The following PTPRZ1 variants were observed in gnomAD, a reference collection of about 807,000 sequenced individuals.
PTPRZ1 encodes receptor-type tyrosine-protein phosphatase zeta.
A neutral mutation model predicts 214.1 loss-of-function variants in PTPRZ1; 82 were observed. That is an observed-to-expected ratio of 0.38 (90% CI 0.32 to 0.46). PTPRZ1 has a LOEUF of 0.46. PTPRZ1 is among the 20% of genes least tolerant of loss of function. The probability of loss-of-function intolerance (pLI) is 1.00; values close to 1 mark genes in which losing one functional copy is unlikely to be tolerated. For synonymous variants in PTPRZ1, 945 were observed against 987.9 expected (o/e 0.96, Z 0.81); for missense variants, 2,603 against 2,748.7 (o/e 0.95, Z 1.19).
chr7:122,040,738 G>A (rs1799701003), intron 20 of PTPRZ1, 78 bp from the exon 21 acceptor site: 2 of 196,340 alleles, frequency 1.0e-5, no homozygotes, highest in Non-Finnish European at 7.8e-6. Context: ...CCGTGTGTGT[G>A]TGTGTGTGTG....
chr7:121,941,044 T>C (rs1249901653), intron 2 of PTPRZ1, among the ~76,000 whole-genome samples: 11 of 152,158 alleles, frequency 7.2e-5, no homozygotes, highest in Non-Finnish European at 1.2e-4. Flanking sequence ...ATCCCTTGCT[T>C]TCATACACTG....
chr7:121,892,086 G>A (rs1794645911), intron 1 of PTPRZ1, among the ~76,000 whole-genome samples: 2 of 152,058 alleles, frequency 1.3e-5, no homozygotes, highest in Non-Finnish European at 2.9e-5. Context: ...TATTTTTTAT[G>A]TCTTAGCGCT....
chr7:121,896,878 A>C (rs1336002185), intron 1 of PTPRZ1, among the ~76,000 whole-genome samples: 1 of 151,912 alleles, frequency 6.6e-6, no homozygotes, highest in Non-Finnish European at 1.5e-5. Context: ...GATGTTTTTG[A>C]GGGCTTGGGG....
In PTPRZ1 at chr7:122,019,115, TGACTACAGA is replaced by T; in HGVS notation, c.4844-7_4845del. 6.3e-7 allele frequency: 1 copy of T among 1,589,586 alleles called. No homozygotes were observed. On this transcript the variant is annotated splice_acceptor_variant and splice_polypyrimidine_tract_variant and coding_sequence_variant and intron_variant, in exon 13 of 30. Transcript: ENST00000393386. LOFTEE classifies it high-confidence loss of function. ...AAATATCAATTCTCTCAATTTTCTCTGACTACAGAGGCCAGTAATAGTAGCCATGAGTCT... is the reference window on the plus strand; with the variant it reads ...AAATATCAATTCTCTCAATTTTCTCTGGCCAGTAATAGTAGCCATGAGTCT...
chr7:121,960,738 C>T (rs1282288422), intron 2 of PTPRZ1, among the ~76,000 whole-genome samples: 1 of 151,922 alleles, frequency 6.6e-6, no homozygotes, highest in East Asian at 1.9e-4. Context: ...ATTCAAAAAC[C>T]TGCATTGGTA....
Position 122,011,754 on chromosome 7 carries a change from T to G in PTPRZ1, c.2708T>G (p.Leu903Arg). The G allele has an allele frequency of 6.2e-7, 1 of 1,614,134 alleles. No individual in the cohort carries two copies. The highest frequency in any genetic ancestry group is 8.5e-7 in the Non-Finnish European group (1 of 1,179,982). ...GSESGVLYKTLMFSQVEPPSS... is the reference protein window; with the variant it reads ...GSESGVLYKTRMFSQVEPPSS... ...GAATCTGGTGTTCTTTATAAAACGC[T>G]TATGTTTTCTCAAGTTGAACCACCC... Residue 903 changes from leucine (L) to arginine (R), a missense_variant, in exon 12 of 30, where the codon CTT becomes CGT. Leu to Arg is a moderately radical substitution (Grantham distance 102). Coordinates refer to ENST00000393386, the MANE Select transcript of PTPRZ1 (RefSeq NM_002851.3).
chr7:121,939,761 A>C (rs1353561342), intron 2 of PTPRZ1, among the ~76,000 whole-genome samples: 2 of 152,226 alleles, frequency 1.3e-5, no homozygotes, highest in African/African-American at 4.8e-5. Flanking sequence ...TCAGAGATGC[A>C]GTGATGAGTG....
At chr7:121,910,337 G>A (rs1795234169) in intron 1 of PTPRZ1, among the ~76,000 whole-genome samples, 1 of 152,072 alleles carries the variant, frequency 6.6e-6, no homozygotes, top group South Asian at 2.1e-4. Flanking sequence ...TCTCCATAGT[G>A]TTTATCACCT....
At chr7:121,979,908 T>A (rs530463488) in intron 6 of PTPRZ1, among the ~76,000 whole-genome samples, 1 of 152,264 alleles carries the variant, frequency 6.6e-6, no homozygotes, top group African/African-American at 2.4e-5. Flanking sequence ...AAAGCACTTC[T>A]GTAATTTAAA....
intron 13 of PTPRZ1, 89 bp downstream of exon 13, chr7:122,019,357 A>G: frequency 2.3e-6 from 3 of 1,328,430 alleles, no homozygotes; most frequent in Non-Finnish European, 3.2e-6. Context: ...AGCATATTCA[A>G]AATGTATTTT....
At chr7:121,983,521 C>A (rs1797677042) in intron 6 of PTPRZ1, 144 bp from the exon 7 acceptor site, 1 of 799,904 alleles carries the variant, frequency 1.3e-6, no homozygotes, top group Non-Finnish European at 1.9e-6. Flanking sequence ...GCTTTATTAC[C>A]ATTTAAAAAT....
chr7:121,889,827 G>A (rs1309528021), intron 1 of PTPRZ1, among the ~76,000 whole-genome samples: 1 of 151,990 alleles, frequency 6.6e-6, no homozygotes. Context: ...AGTGTTCTTG[G>A]TCCTCACTTT....
chr7:121,989,292 G>A (rs539433863), intron 8 of PTPRZ1, among the ~76,000 whole-genome samples: 1 of 151,810 alleles, frequency 6.6e-6, no homozygotes, highest in South Asian at 2.1e-4. Flanking sequence ...ACTAGGACTT[G>A]CTGTTTCCAT....
intron 27 of PTPRZ1, among the ~76,000 whole-genome samples, chr7:122,057,452 T>G (rs1347618862): frequency 6.6e-6 from 1 of 151,788 alleles, no homozygotes. Flanking sequence ...TTTATATAAA[T>G]TAATTGACCA....
chr7:122,055,623 T>A (rs1407654177), intron 27 of PTPRZ1, among the ~76,000 whole-genome samples: 5 of 151,906 alleles, frequency 3.3e-5, no homozygotes. Context: ...AAGTCTTGGT[T>A]ATCTATTACA....
chr7:121,918,045 TA>T lies in PTPRZ1; in HGVS notation c.59-10095del, dbSNP rs76675001. Reference sequence around the variant, plus strand: ...AAAGGTTTCTTATTTCTAGACCGGCTAAAAAAAAAAAAAAAAGGAATTCATG... The same window carrying T: ...AAAGGTTTCTTATTTCTAGACCGGCTAAAAAAAAAAAAAAAGGAATTCATG... On this transcript the variant is annotated intron_variant, in intron 1 of 29. Transcript: ENST00000393386. Among the ~76,000 whole-genome samples the T allele has an allele frequency of 2.2e-3, 320 of 142,552 alleles. 1 individual carries two copies. The highest frequency in any genetic ancestry group is 4.6e-3 in the Admixed American group (64 of 14,054). The allele number at this position is 142,552 out of a possible 152,430, so 93.5% of individuals were successfully genotyped here.
At chr7:121,957,790 C>T (rs1796753934) in intron 2 of PTPRZ1, among the ~76,000 whole-genome samples, 1 of 152,198 alleles carries the variant, frequency 6.6e-6, no homozygotes, top group African/African-American at 2.4e-5. Context: ...CTTCTCCTCC[C>T]ATGTGATGGG....
At chr7:122,056,793 A>G (rs553522855) in intron 27 of PTPRZ1, among the ~76,000 whole-genome samples, 1 of 151,952 alleles carries the variant, frequency 6.6e-6, no homozygotes, top group South Asian at 2.1e-4. Context: ...CTTCAGAAGT[A>G]GCCTCTTCCT....
chr7:121,947,626 A>G (rs1357750683), intron 2 of PTPRZ1, among the ~76,000 whole-genome samples: 1 of 152,200 alleles, frequency 6.6e-6, no homozygotes, highest in Non-Finnish European at 1.5e-5. Flanking sequence ...TCTAAGAAAT[A>G]TATCATTTAA....
Sources: gnomAD v4.1 joint callset for allele counts (sites outside exome capture counted in the v4.1 genomes callset) on GRCh38, gnomAD v4.1.1 for gene constraint, MANE v1.5 for transcripts, NCBI Gene and HGNC (gene_info 2026-07-23, HGNC 2026-07-21) for gene names.